WDR25: variants seen among roughly 807,000 people sequenced by gnomAD.
WDR25 encodes WD repeat-containing protein 25.
Under a neutral mutation model 47.7 loss-of-function variants are expected in WDR25, and 35 were observed. That is an observed-to-expected ratio of 0.73 (90% CI 0.56 to 0.97). The LOEUF is 0.97. WDR25 is among the 50% of genes least tolerant of loss of function. The pLI, the probability that WDR25 is intolerant of heterozygous loss-of-function variation, is 0.00. For synonymous variants in WDR25, 248 were observed against 278.9 expected, an observed-to-expected ratio of 0.89 and a Z score of 1.10; for missense variants, 634 against 704.7, an observed-to-expected ratio of 0.90 and a Z score of 1.14.
intron 5 of WDR25, among the ~76,000 whole-genome samples, chr14:100,528,119 G>A (rs1338297257): frequency 1.3e-5 from 2 of 152,302 alleles, no homozygotes; most frequent in Non-Finnish European, 2.9e-5. Flanking sequence ...AGATGGGCAT[G>A]TAGATTCCTT....
In WDR25 at chr14:100,433,655, G is replaced by A. The variant is rs144088134; in HGVS notation, c.823-34366G>A. Among the ~76,000 whole-genome samples the A allele has an allele frequency of 8.4e-3, 1,278 of 152,216 alleles. 22 individuals are homozygous for A. The highest frequency in any genetic ancestry group is 0.029 in the African/African-American group (1,215 of 41,522). ...TTTCTCATCCTAACTAGAAAGAAGAGTTTTCATTCCCCCCCCATTAGTCTG... is the reference window on the plus strand; with the variant it reads ...TTTCTCATCCTAACTAGAAAGAAGAATTTTCATTCCCCCCCCATTAGTCTG... On this transcript the variant is annotated intron_variant, in intron 2 of 6. Coordinates refer to ENST00000402312, the MANE Select transcript of WDR25 (RefSeq NM_001161476.3).
chr14:100,393,846 G>T (rs1453393625), intron 2 of WDR25, among the ~76,000 whole-genome samples: 3 of 152,192 alleles, frequency 2.0e-5, no homozygotes, highest in Admixed American at 2.0e-4. Context: ...CAAGATGGTG[G>T]CTGTGAGCTG....
At chr14:100,429,623 C>G (rs1015653062) in intron 2 of WDR25, among the ~76,000 whole-genome samples, 5 of 152,176 alleles carry the variant, frequency 3.3e-5, no homozygotes, top group Admixed American at 1.3e-4. Context: ...TAACAAAATA[C>G]CCTAGACTGA....
At chr14:100,397,274 G>T (rs986202019) in intron 2 of WDR25, among the ~76,000 whole-genome samples, 3 of 152,092 alleles carry the variant, frequency 2.0e-5, no homozygotes, top group Non-Finnish European at 4.4e-5. Context: ...GTATATTGTC[G>T]GTGGAAATGG....
chr14:100,486,634 G>A lies in WDR25; in HGVS notation c.1101+2510G>A, dbSNP rs145767099. Among the ~76,000 whole-genome samples the A allele has an allele frequency of 5.3e-5, 8 of 152,258 alleles. No individual in the cohort carries two copies. The South Asian group carries it at 1.2e-3, about 24-fold the overall frequency. ...AGCCCCCTGCCCTCCAGGGACTCCC[G>A]CCTGGGGCTGCTCACTTCTTATCCC... On this transcript the variant is annotated intron_variant, in intron 4 of 6. Transcript: ENST00000402312.
chr14:100,472,272 C>G (rs1044541192), intron 3 of WDR25, among the ~76,000 whole-genome samples: 1 of 152,238 alleles, frequency 6.6e-6, no homozygotes, highest in African/African-American at 2.4e-5. Context: ...TCCTGATGTG[C>G]GCTGGCTCCT....
intron 3 of WDR25, chr14:100,480,942 T>C (rs73349495): frequency 0.043 from 17,034 of 399,658 alleles, 846 homozygotes; most frequent in African/African-American, 0.17. Context: ...ACCCTCCCCA[T>C]TGCCAGGATA....
At chr14:100,415,368 C>T (rs1221655878) in intron 2 of WDR25, among the ~76,000 whole-genome samples, 2 of 152,050 alleles carry the variant, frequency 1.3e-5, no homozygotes. Context: ...ATGGGAGGTA[C>T]GTAGGCATGC....
chr14:100,507,653 T>G (rs184069866), intron 4 of WDR25, among the ~76,000 whole-genome samples: 22 of 146,858 alleles, frequency 1.5e-4, no homozygotes, highest in Middle Eastern at 7.1e-3. Flanking sequence ...GTATTTGTGT[T>G]TTTTTTTTTT....
At position 100,454,453 on chromosome 14, in the gene WDR25, T is replaced by G. The variant is rs748688701; in HGVS notation, c.823-13568T>G. 1.8e-5 allele frequency: 23 copies of G among 1,286,936 alleles called. No homozygotes were observed. The South Asian group carries it at 2.3e-4, about 13-fold the overall frequency. 79.7% of individuals were successfully genotyped at this position (1,286,936 alleles called of 1,614,324 possible). A position where few individuals can be genotyped will look rare whatever the true frequency, so the allele number is the denominator to read the frequency against. On this transcript the variant is annotated intron_variant, in intron 2 of 6. Transcript: ENST00000402312. The stretch of plus-strand genomic sequence containing the variant: ...CTTAAAATTGAAAATTATGTTTGGC[T>G]TCCAGTAATGAAGCAGTAGTTCTGG...
rs1471004234 is a variant in WDR25, at chr14:100,499,107, C to T, written c.1101+14983C>T. On this transcript the variant is annotated intron_variant, in intron 4 of 6. Transcript: ENST00000402312. The surrounding 1 kb of genome is among the most constrained non-coding windows in gnomAD (Gnocchi z 4.4). The stretch of plus-strand genomic sequence containing the variant: ...AAAAGGAATACATGGTCTTTGTTGG[C>T]TACTTGGGAAATGGAAAAATATAAA... 6.6e-6 allele frequency among the ~76,000 whole-genome samples: 1 copy of T among 152,178 alleles called. No individual in the cohort carries two copies. Among genetic ancestry groups the T allele is most frequent in the Non-Finnish European group, 1.5e-5 (1 of 68,046 alleles).
rs759436300 is a variant in WDR25, at chr14:100,506,999, C to G, written c.1102-18871C>G. 1.3e-5 allele frequency among the ~76,000 whole-genome samples: 2 copies of G among 152,070 alleles called. No homozygotes were observed. Among genetic ancestry groups the G allele is most frequent in the Non-Finnish European group, 1.5e-5 (1 of 68,002 alleles). On this transcript the variant is annotated intron_variant, in intron 4 of 6. Transcript: ENST00000402312. The surrounding 1 kb of genome is among the most constrained non-coding windows in gnomAD (Gnocchi z 4.8). ...ATAAATTCTTTCCTAAGGCTGATGT[C>G]CAAAATGATGTTTCCTAGGTTTTAT...
intron 2 of WDR25, among the ~76,000 whole-genome samples, chr14:100,467,297 TGGGATAAGATGCCAGGGATGCAGGC>T (rs1376758922): frequency 3.1e-4 from 47 of 150,710 alleles, no homozygotes; most frequent in Admixed American, 7.3e-4. Context: ...CAGGCGAGCC[TGGGATAAGATGCCAGGGATGCAGGC>T]GAGCCTGGGA....
Position 100,529,027 on chromosome 14 carries a change from G to C in WDR25, c.1273-41G>C. ...GCCCCAGAGCAGAGTGCCAGGTTGG[G>C]GGTGTCTTCTCTGACCCATTTGTGG... On this transcript the variant is annotated intron_variant, in intron 5 of 6. Transcript: ENST00000402312. The surrounding 1 kb of genome is among the most constrained non-coding windows in gnomAD (Gnocchi z 5.1). 6.6e-7 allele frequency: 1 copy of C among 1,504,882 alleles called. No homozygotes were observed. The highest frequency in any genetic ancestry group is 8.9e-7 in the Non-Finnish European group (1 of 1,124,540). 93.2% of individuals were successfully genotyped at this position (1,504,882 alleles called of 1,614,324 possible). A position where few individuals can be genotyped will look rare whatever the true frequency, so the allele number is the denominator to read the frequency against.
At chr14:100,481,549 G>A (rs753919913) in intron 3 of WDR25, among the ~76,000 whole-genome samples, 1 of 151,520 alleles carries the variant, frequency 6.6e-6, no homozygotes, top group Non-Finnish European at 1.5e-5. Context: ...TGTCTCGGGT[G>A]TCAGCTTAAC....
intron 4 of WDR25, among the ~76,000 whole-genome samples, chr14:100,493,265 G>A (rs7493912): frequency 0.017 from 2,545 of 152,194 alleles, 78 homozygotes; most frequent in African/African-American, 0.051. Flanking sequence ...AAGAAACCAC[G>A]TTTTTTAGCA....
In WDR25 at chr14:100,500,475, C is replaced by T. The variant is rs549899757; in HGVS notation, c.1101+16351C>T. 6.6e-6 allele frequency among the ~76,000 whole-genome samples: 1 copy of T among 152,308 alleles called. No homozygotes were observed. Among genetic ancestry groups the T allele is most frequent in the East Asian group, 1.9e-4 (1 of 5,182 alleles). ...CACGGGGCATTCTCTGTGGCCCAGC[C>T]CAAGGCCAGTGCACCACAAAGTGGC... On this transcript the variant is annotated intron_variant, in intron 4 of 6. Coordinates refer to ENST00000402312, the MANE Select transcript of WDR25 (RefSeq NM_001161476.3). The surrounding 1 kb of genome is among the most constrained non-coding windows in gnomAD (Gnocchi z 4.7).
rs77930270 is a variant in WDR25, at chr14:100,468,911, C to T, written c.970+743C>T. On this transcript the variant is annotated intron_variant, in intron 3 of 6. Coordinates refer to ENST00000402312, the MANE Select transcript of WDR25 (RefSeq NM_001161476.3). The surrounding 1 kb of genome is among the most constrained non-coding windows in gnomAD (Gnocchi z 4.5). The stretch of plus-strand genomic sequence containing the variant: ...TTTCCCCTCCCCTCCCCTTTTCTTT[C>T]CTTTCCTTTCCCTCTATGTTCTCTT... Among the ~76,000 whole-genome samples the T allele has an allele frequency of 6.6e-6, 1 of 150,764 alleles. No homozygotes were observed. The highest frequency in any genetic ancestry group is 1.5e-5 in the Non-Finnish European group (1 of 67,626).
At chr14:100,513,937 A>AC (rs1335984060) in intron 4 of WDR25, among the ~76,000 whole-genome samples, 1 of 140,528 alleles carries the variant, frequency 7.1e-6, no homozygotes, top group Non-Finnish European at 1.5e-5. Flanking sequence ...TATCTTTTTT[A>AC]CTTTTTTTTT....
Sources: gnomAD v4.1 joint callset for allele counts (sites outside exome capture counted in the v4.1 genomes callset) on GRCh38, gnomAD v4.1.1 for gene constraint, Gnocchi (gnomAD v3.1) non-coding constraint, MANE v1.5 for transcripts, NCBI Gene and HGNC (gene_info 2026-07-23, HGNC 2026-07-21) for gene names.